The following KCNIP4 variants were observed in gnomAD, a reference collection of about 807,000 sequenced individuals.
KCNIP4 encodes the protein potassium voltage-gated channel interacting protein 4, also known as Kv channel-interacting protein 4.
A neutral mutation model predicts 34.0 loss-of-function variants in KCNIP4; 12 were observed. The ratio of observed to expected loss-of-function variants is 0.35; its 90% CI spans 0.23 to 0.57. The LOEUF (loss-of-function observed/expected upper bound fraction) is 0.57. Among genes scored for constraint, KCNIP4 ranks in the 20% least tolerant of loss-of-function variants. KCNIP4 has a pLI of 0.83. For synonymous variants in KCNIP4, 124 were observed against 102.2 expected (o/e 1.21, Z -1.29); for missense variants, 238 against 311.7 (o/e 0.76, Z 1.78).
intron 1 of KCNIP4, among the ~76,000 whole-genome samples, chr4:21,422,489 C>T (rs892107175): frequency 6.6e-6 from 1 of 151,992 alleles, no homozygotes. Flanking sequence ...CGTGAGCCAC[C>T]GAGCCTGGCC....
At chr4:20,961,611 G>T (rs1283628594) in intron 1 of KCNIP4, among the ~76,000 whole-genome samples, 2 of 152,154 alleles carry the variant, frequency 1.3e-5, no homozygotes, top group African/African-American at 4.8e-5. Flanking sequence ...ATTGCCTTGT[G>T]ATCAACTGAG....
At chr4:20,984,510 C>G (rs962890990) in intron 1 of KCNIP4, among the ~76,000 whole-genome samples, 12 of 152,252 alleles carry the variant, frequency 7.9e-5, no homozygotes, top group Non-Finnish European at 1.5e-4. Flanking sequence ...GCCTACAGGC[C>G]CTTCCTGAAA....
At position 21,595,965 on chromosome 4, in the gene KCNIP4, A is replaced by T. The variant is rs750356494; in HGVS notation, c.61+352606T>A. 5.3e-4 allele frequency among the ~76,000 whole-genome samples: 80 copies of T among 152,140 alleles called. 1 individual carries two copies. The highest frequency in any genetic ancestry group is 5.9e-4 in the Non-Finnish European group (40 of 68,020). On this transcript the variant is annotated intron_variant, in intron 1 of 8. Transcript: ENST00000382152. ...CCACTTGAAATCTCCTGCTTTCCAGAGCAACTTGTGTTGAAGCACAGAGAA... is the reference window on the plus strand; with the variant it reads ...CCACTTGAAATCTCCTGCTTTCCAGTGCAACTTGTGTTGAAGCACAGAGAA...
chr4:21,773,681 GTCTT>G (rs1232599689), intron 1 of KCNIP4, among the ~76,000 whole-genome samples: 1 of 149,212 alleles, frequency 6.7e-6, no homozygotes, highest in African/African-American at 2.5e-5. Flanking sequence ...GCCCTTTTTT[GTCTT>G]TCTTGGTTTA....
Position 21,589,156 on chromosome 4 carries a change from GTATA to G in KCNIP4, c.61+359411_61+359414del, listed in dbSNP as rs375787939. Reference sequence around the variant, plus strand: ...TGTAGGGGCACAAAAATGGAGGTGTGTATATATATATATATATATATATATATAT... The same window carrying G: ...TGTAGGGGCACAAAAATGGAGGTGTGTATATATATATATATATATATATAT... On this transcript the variant is annotated intron_variant, in intron 1 of 8. Coordinates refer to ENST00000382152, the MANE Select transcript of KCNIP4 (RefSeq NM_025221.6). Among the ~76,000 whole-genome samples the G allele has an allele frequency of 4.7e-3, 333 of 71,196 alleles. 1 individual carries two copies. The highest frequency in any genetic ancestry group is 7.3e-3 in the South Asian group (15 of 2,048). The allele number at this position is 71,196 out of a possible 152,430, so 46.7% of individuals were successfully genotyped here. A position where few individuals can be genotyped will look rare whatever the true frequency, so the allele number is the denominator to read the frequency against.
chr4:20,943,528 G>A (rs1487381081), intron 1 of KCNIP4, among the ~76,000 whole-genome samples: 2 of 152,166 alleles, frequency 1.3e-5, no homozygotes, highest in Non-Finnish European at 2.9e-5. Context: ...CTTATTATGG[G>A]CCAGGGACTA....
rs543112950 is a variant in KCNIP4, at chr4:21,912,825, A to G, written c.61+35746T>C. Among the ~76,000 whole-genome samples the G allele has an allele frequency of 3.3e-5, 5 of 149,584 alleles. No homozygotes were observed. The South Asian group carries it at 1.0e-3, about 31-fold the overall frequency. On this transcript the variant is annotated intron_variant, in intron 1 of 8. Transcript: ENST00000382152. The stretch of plus-strand genomic sequence containing the variant: ...ATGTTTTATATAATATAATATATAT[A>G]ACATAATATAATATACAGAGAGACA...
chr4:21,511,790 A>G (rs745886068), intron 1 of KCNIP4, among the ~76,000 whole-genome samples: 2 of 152,206 alleles, frequency 1.3e-5, no homozygotes, highest in Non-Finnish European at 2.9e-5. Context: ...TAACTTGTGC[A>G]TAAGTCTCTC....
At chr4:21,679,154 T>C (rs567319990) in intron 1 of KCNIP4, among the ~76,000 whole-genome samples, 2 of 152,328 alleles carry the variant, frequency 1.3e-5, no homozygotes, top group African/African-American at 4.8e-5. Context: ...TTCTGTTGTT[T>C]AGGCTACGTA....
At chr4:20,816,095 A>AG (rs1716338945) in intron 3 of KCNIP4, among the ~76,000 whole-genome samples, 1 of 152,056 alleles carries the variant, frequency 6.6e-6, no homozygotes, top group African/African-American at 2.4e-5. Flanking sequence ...CTAAAAAAAA[A>AG]TACAAAAATT....
At chr4:21,514,509 G>C (rs1018228352) in intron 1 of KCNIP4, among the ~76,000 whole-genome samples, 15 of 152,074 alleles carry the variant, frequency 9.9e-5, no homozygotes, top group African/African-American at 2.7e-4. Flanking sequence ...AGAGAACTCA[G>C]AGCCAACAAA....
chr4:20,947,607 A>T (rs1010062749), intron 1 of KCNIP4, among the ~76,000 whole-genome samples: 4 of 152,208 alleles, frequency 2.6e-5, no homozygotes, highest in Non-Finnish European at 5.9e-5. Flanking sequence ...TATGCAAATG[A>T]TTATTGCCGC....
intron 2 of KCNIP4, among the ~76,000 whole-genome samples, chr4:20,875,336 A>G (rs1044488817): frequency 1.1e-4 from 16 of 152,214 alleles, no homozygotes; most frequent in African/African-American, 3.9e-4. Flanking sequence ...GATGTGATTC[A>G]GAAATTAAAT....
chr4:20,954,597 G>T (rs2149647471), intron 1 of KCNIP4, among the ~76,000 whole-genome samples: 1 of 152,264 alleles, frequency 6.6e-6, no homozygotes, highest in Middle Eastern at 3.4e-3. Flanking sequence ...AAAATAATCT[G>T]CCAAGCGGGT....
intron 1 of KCNIP4, among the ~76,000 whole-genome samples, chr4:21,892,549 G>GGAA (rs1491328956): frequency 2.8e-5 from 1 of 36,242 alleles, no homozygotes; most frequent in Admixed American, 3.3e-4. Context: ...AAGCAAAAAA[G>GGAA]TAAAAAAAAA....
intron 1 of KCNIP4, among the ~76,000 whole-genome samples, chr4:21,171,604 T>A (rs909471941): frequency 6.6e-6 from 1 of 152,184 alleles, no homozygotes; most frequent in Non-Finnish European, 1.5e-5. Flanking sequence ...ACTCACAAAA[T>A]CCTATTGTTC....
chr4:20,765,277 C>A (rs1265351060), intron 3 of KCNIP4, among the ~76,000 whole-genome samples: 2 of 152,106 alleles, frequency 1.3e-5, no homozygotes, highest in Admixed American at 6.6e-5. Context: ...ATTACTTTTT[C>A]TTCTATTAGG....
At chr4:21,050,321 A>T (rs999949052) in intron 1 of KCNIP4, among the ~76,000 whole-genome samples, 4 of 152,206 alleles carry the variant, frequency 2.6e-5, no homozygotes, top group African/African-American at 4.8e-5. Context: ...TCATAACTGT[A>T]GTTTGACTCT....
At chr4:21,943,634 A>G (rs947986145) in intron 1 of KCNIP4, among the ~76,000 whole-genome samples, 1 of 152,118 alleles carries the variant, frequency 6.6e-6, no homozygotes, top group African/African-American at 2.4e-5. Context: ...CTGCGTCATG[A>G]TTTTCGTAGG....
Sources: gnomAD v4.1 joint callset for allele counts (sites outside exome capture counted in the v4.1 genomes callset) on GRCh38, gnomAD v4.1.1 for gene constraint, MANE v1.5 for transcripts, NCBI Gene and HGNC (gene_info 2026-07-23, HGNC 2026-07-21) for gene names.